ADAMTSL1: variants seen among roughly 807,000 people sequenced by gnomAD.
The protein encoded by ADAMTSL1 is ADAMTS like 1, also known as ADAMTS-like protein 1.
Under a neutral mutation model 201.8 loss-of-function variants are expected in ADAMTSL1, and 126 were observed. The ratio of observed to expected loss-of-function variants is 0.62; its 90% CI spans 0.54 to 0.72. ADAMTSL1 has a LOEUF of 0.72. Among genes scored for constraint, ADAMTSL1 ranks in the 30% least tolerant of loss-of-function variants. The probability of loss-of-function intolerance (pLI) is 0.00; values close to 1 mark genes in which losing one functional copy is unlikely to be tolerated. For missense variants in ADAMTSL1, 2,679 were observed against 2,277.8 expected, an observed-to-expected ratio of 1.18 and a Z score of -3.59; for synonymous variants, 1,121 against 903.4, an observed-to-expected ratio of 1.24 and a Z score of -4.32.
intron 7 of ADAMTSL1, among the ~76,000 whole-genome samples, chr9:18,656,472 A>G (rs939002213): frequency 5.3e-5 from 8 of 152,074 alleles, no homozygotes; most frequent in Non-Finnish European, 1.2e-4. Context: ...TACTAAAAAT[A>G]CAAAAAATTA....
intron 1 of ADAMTSL1, among the ~76,000 whole-genome samples, chr9:18,112,575 T>C (rs1237900516): frequency 2.0e-5 from 3 of 152,110 alleles, no homozygotes; most frequent in Non-Finnish European, 4.4e-5. Context: ...CCCATGTTTT[T>C]GTCTCACTGT....
At chr9:18,557,043 G>A (rs1483133473) in intron 3 of ADAMTSL1, among the ~76,000 whole-genome samples, 1 of 151,886 alleles carries the variant, frequency 6.6e-6, no homozygotes, top group African/African-American at 2.4e-5. Flanking sequence ...GGAAGTGACA[G>A]GGTCATTAAA....
intron 14 of ADAMTSL1, among the ~76,000 whole-genome samples, chr9:18,709,713 T>C (rs1210363203): frequency 1.3e-5 from 2 of 152,176 alleles, no homozygotes; most frequent in Non-Finnish European, 2.9e-5. Flanking sequence ...CCTTGTTAGA[T>C]TTTAATTTCC....
intron 14 of ADAMTSL1, among the ~76,000 whole-genome samples, chr9:18,712,794 T>G (rs1205172311): frequency 6.6e-6 from 1 of 151,708 alleles, no homozygotes; most frequent in African/African-American, 2.4e-5. Context: ...AGACACATAA[T>G]TGTCAGATTC....
At chr9:18,185,099 C>T (rs200762240) in intron 2 of ADAMTSL1, among the ~76,000 whole-genome samples, 1 of 152,066 alleles carries the variant, frequency 6.6e-6, no homozygotes, top group Non-Finnish European at 1.5e-5. Context: ...TTTAAAGTAG[C>T]CCCTATGATC....
chr9:18,727,438 G>A (rs920904607), intron 15 of ADAMTSL1, among the ~76,000 whole-genome samples: 2 of 152,224 alleles, frequency 1.3e-5, no homozygotes, highest in African/African-American at 4.8e-5. Flanking sequence ...TGTTACTACT[G>A]TCATCCCCCT....
At chr9:18,893,646 A>C (rs1829435318) in intron 26 of ADAMTSL1, among the ~76,000 whole-genome samples, 1 of 152,224 alleles carries the variant, frequency 6.6e-6, no homozygotes, top group Non-Finnish European at 1.5e-5. Context: ...GCAAGGCTTG[A>C]GGCATTACAG....
chr9:18,521,660 T>A (rs905444177), intron 2 of ADAMTSL1, among the ~76,000 whole-genome samples: 3 of 152,174 alleles, frequency 2.0e-5, no homozygotes, highest in African/African-American at 7.2e-5. Context: ...CAGTGCTGAA[T>A]TGCCTCCTCT....
chr9:18,339,424 G>A (rs1201463348), intron 2 of ADAMTSL1, among the ~76,000 whole-genome samples: 3 of 152,070 alleles, frequency 2.0e-5, no homozygotes, highest in Non-Finnish European at 4.4e-5. Flanking sequence ...ACACTAATCA[G>A]AATGGCTACT....
chr9:18,675,157 G>A (rs1247432492), intron 9 of ADAMTSL1, among the ~76,000 whole-genome samples: 1 of 152,152 alleles, frequency 6.6e-6, no homozygotes, highest in Non-Finnish European at 1.5e-5. Context: ...CACTGCAATA[G>A]CAGTTAACAC....
intron 2 of ADAMTSL1, among the ~76,000 whole-genome samples, chr9:18,291,799 G>T (rs1168637070): frequency 2.7e-5 from 4 of 148,512 alleles, no homozygotes; most frequent in Non-Finnish European, 4.4e-5. Context: ...GTCTTAGAGA[G>T]TCTCCTTAAA....
At chr9:18,331,980 T>C (rs1835046433) in intron 2 of ADAMTSL1, among the ~76,000 whole-genome samples, 1 of 152,158 alleles carries the variant, frequency 6.6e-6, no homozygotes, top group Non-Finnish European at 1.5e-5. Context: ...GATAAGGCAT[T>C]GGCAAGTAGC....
chr9:18,002,583 T>A (rs1474235868), intron 1 of ADAMTSL1, among the ~76,000 whole-genome samples: 2 of 152,186 alleles, frequency 1.3e-5, no homozygotes, highest in East Asian at 3.9e-4. Context: ...ATGAAAAGAT[T>A]CTGGAACTAG....
intron 1 of ADAMTSL1, among the ~76,000 whole-genome samples, chr9:18,131,863 T>TA (rs1191331353): frequency 2.6e-5 from 4 of 152,066 alleles, no homozygotes; most frequent in Admixed American, 1.3e-4. Context: ...TTCATCTATT[T>TA]AAAAAAAATG....
intron 1 of ADAMTSL1, among the ~76,000 whole-genome samples, chr9:18,480,044 A>G (rs927317305): frequency 1.3e-5 from 2 of 152,212 alleles, no homozygotes; most frequent in Non-Finnish European, 2.9e-5. Context: ...TGGATGTTTC[A>G]TATATTTTTT....
intron 2 of ADAMTSL1, among the ~76,000 whole-genome samples, chr9:18,438,403 A>G (rs1390155682): frequency 1.3e-5 from 2 of 152,102 alleles, no homozygotes; most frequent in Admixed American, 6.5e-5. Flanking sequence ...TAGGAACCCA[A>G]CACCGTCAGG....
intron 7 of ADAMTSL1, among the ~76,000 whole-genome samples, chr9:18,645,261 T>C (rs889692100): frequency 1.3e-5 from 2 of 152,236 alleles, no homozygotes; most frequent in African/African-American, 4.8e-5. Context: ...TAAATTTGTT[T>C]GAGTTCATTG....
At chr9:18,577,368 C>T (rs755752566) in intron 4 of ADAMTSL1, among the ~76,000 whole-genome samples, 2 of 152,092 alleles carry the variant, frequency 1.3e-5, no homozygotes, top group African/African-American at 4.8e-5. Context: ...TGCTCGTATT[C>T]GCAGCTATTT....
At chr9:18,900,569 C>T (rs1301890618) in intron 26 of ADAMTSL1, among the ~76,000 whole-genome samples, 2 of 152,166 alleles carry the variant, frequency 1.3e-5, no homozygotes, top group African/African-American at 4.8e-5. Flanking sequence ...AAATGTGGTA[C>T]ATAAAACCAT....
Sources: gnomAD v4.1 joint callset for allele counts (sites outside exome capture counted in the v4.1 genomes callset) on GRCh38, gnomAD v4.1.1 for gene constraint, MANE v1.5 for transcripts, NCBI Gene and HGNC (gene_info 2026-07-23, HGNC 2026-07-21) for gene names.